The following CFAP44 variants were observed in gnomAD, a reference collection of about 807,000 sequenced individuals.
CFAP44 encodes cilia- and flagella-associated protein 44.
In CFAP44, 134 loss-of-function variants were observed where a neutral mutation model predicts 216.2. The ratio of observed to expected loss-of-function variants is 0.62; its 90% confidence interval spans 0.54 to 0.72. CFAP44 has a LOEUF of 0.72. Among genes scored for constraint, CFAP44 ranks in the 30% least tolerant of loss-of-function variants. The pLI, the probability that CFAP44 is intolerant of heterozygous loss-of-function variation, is 0.00. For synonymous variants in CFAP44, 700 were observed against 727.6 expected, an observed-to-expected ratio of 0.96 and a Z score of 0.61; for missense variants, 2,035 against 2,182.1, an observed-to-expected ratio of 0.93 and a Z score of 1.34.
At chr3:113,327,919 T>C (rs529006192) in intron 26 of CFAP44, 100 bp from the exon 27 acceptor site, 2 of 1,047,530 alleles carry the variant, frequency 1.9e-6, no homozygotes, top group East Asian at 2.6e-5. Context: ...TTTTTTATTA[T>C]GCCCTTATGG....
chr3:113,330,026 G>T, intron 26 of CFAP44, 142 bp downstream of exon 26: 1 of 974,248 alleles, frequency 1.0e-6, no homozygotes, highest in Non-Finnish European at 1.4e-6. Flanking sequence ...AGGAAGCCAA[G>T]CCATCACTGA....
chr3:113,349,716 T>C (rs7642058), intron 22 of CFAP44, among the ~76,000 whole-genome samples: 83,154 of 152,036 alleles, frequency 0.55, 24,383 homozygotes, highest in African/African-American at 0.76. Context: ...CCGGGGCAAG[T>C]GCCAGCTCAT....
At chr3:113,292,766 A>AC (rs1949843258) in intron 34 of CFAP44, among the ~76,000 whole-genome samples, 1 of 152,204 alleles carries the variant, frequency 6.6e-6, no homozygotes, top group African/African-American at 2.4e-5. Flanking sequence ...GGGTTACCCA[A>AC]CACCCTCTGC....
intron 15 of CFAP44, among the ~76,000 whole-genome samples, chr3:113,390,945 T>C (rs2107348413): frequency 6.6e-6 from 1 of 152,100 alleles, no homozygotes; most frequent in East Asian, 1.9e-4. Flanking sequence ...TTCAATGCAA[T>C]GCCTATCAAA....
At chr3:113,359,838 A>ATTT (rs1950521409) in intron 21 of CFAP44, among the ~76,000 whole-genome samples, 1 of 152,202 alleles carries the variant, frequency 6.6e-6, no homozygotes, top group Non-Finnish European at 1.5e-5. Flanking sequence ...AAAGAAAAAA[A>ATTT]GGTAGAATAC....
intron 6 of CFAP44, among the ~76,000 whole-genome samples, chr3:113,413,458 G>A (rs1934548579): frequency 1.3e-5 from 2 of 152,124 alleles, no homozygotes; most frequent in Non-Finnish European, 1.5e-5. Context: ...CCTATGTCCT[G>A]AATGGTATTG....
intron 21 of CFAP44, among the ~76,000 whole-genome samples, chr3:113,362,345 C>T (rs1222415134): frequency 6.6e-6 from 1 of 152,130 alleles, no homozygotes; most frequent in Admixed American, 6.5e-5. Context: ...CTGGGCTCCA[C>T]TCCCTTTCTG....
At chr3:113,389,165 T>C (rs1046802708) in intron 15 of CFAP44, among the ~76,000 whole-genome samples, 2 of 152,218 alleles carry the variant, frequency 1.3e-5, no homozygotes, top group African/African-American at 2.4e-5. Flanking sequence ...ATTGAAATTA[T>C]ATCAAGTATC....
chr3:113,423,395 C>T (rs1934873645), intron 4 of CFAP44, among the ~76,000 whole-genome samples: 1 of 152,106 alleles, frequency 6.6e-6, no homozygotes, highest in Non-Finnish European at 1.5e-5. Flanking sequence ...CCTGCCAAGC[C>T]TCCCAAGGTG....
chr3:113,294,794 G>A lies in CFAP44; in HGVS notation c.5266C>T (p.Leu1756=), dbSNP rs1576532853. 2.0e-6 allele frequency: 3 copies of A among 1,534,852 alleles called. No homozygotes were observed. The highest frequency in any genetic ancestry group is 2.0e-5 in the Admixed American group (1 of 50,590). Residue 1756 remains leucine (L), a synonymous_variant, in exon 34 of 35, where the codon CTG becomes TTG. Transcript: ENST00000393845. ...GTGTGTTCTTTTGTCTTCATCATCA[G>A]TTCCCATCGCATTTGAGCAATCTTT... ...EEKIAQMRWE[L]MMKTKEHTRK...
At chr3:113,370,096 C>T (rs1031905736) in intron 18 of CFAP44, among the ~76,000 whole-genome samples, 1 of 152,108 alleles carries the variant, frequency 6.6e-6, no homozygotes, top group Non-Finnish European at 1.5e-5. Flanking sequence ...TAATACCCTA[C>T]CAACCAAAAA....
At chr3:113,317,822 C>T (rs1381705767) in intron 28 of CFAP44, among the ~76,000 whole-genome samples, 2 of 152,188 alleles carry the variant, frequency 1.3e-5, no homozygotes, top group Non-Finnish European at 1.5e-5. Flanking sequence ...CTCCCTGCTA[C>T]AGTCTTTTTG....
At chr3:113,391,775 T>A (rs1335329503) in intron 15 of CFAP44, among the ~76,000 whole-genome samples, 2 of 152,112 alleles carry the variant, frequency 1.3e-5, no homozygotes, top group Non-Finnish European at 2.9e-5. Flanking sequence ...AAAGAAGGCA[T>A]GAGAATGGCA....
At chr3:113,328,666 A>T (rs1377240660) in intron 26 of CFAP44, among the ~76,000 whole-genome samples, 1 of 131,320 alleles carries the variant, frequency 7.6e-6, no homozygotes, top group East Asian at 2.6e-4. Flanking sequence ...GGTTTGGAGC[A>T]GTGAAACTAC....
Position 113,289,395 on chromosome 3 carries a change from ACTGTAG to A in CFAP44, c.*2156_*2161del, listed in dbSNP as rs1399604939. ...AAGTCCTGATGTGGCTCTTCTGTAG[ACTGTAG>A]GTCCATTCTTGCTGCAATCAGAATC... is the stretch of plus-strand genomic sequence containing the variant. On this transcript the variant is annotated 3_prime_UTR_variant, in exon 35 of 35. Coordinates refer to ENST00000393845, the MANE Select transcript of CFAP44 (RefSeq NM_001164496.2). 6.6e-6 allele frequency: 1 copy of A among 152,176 alleles called. No individual in the cohort carries two copies. Among genetic ancestry groups the A allele is most frequent in the Non-Finnish European group, 1.5e-5 (1 of 68,018 alleles). 9.4% of individuals were successfully genotyped at this position (152,176 alleles called of 1,614,324 possible). A position where few individuals can be genotyped will look rare whatever the true frequency, so the allele number is the denominator to read the frequency against.
intron 21 of CFAP44, among the ~76,000 whole-genome samples, chr3:113,361,816 T>C (rs967882205): frequency 4.0e-5 from 6 of 151,774 alleles, no homozygotes; most frequent in African/African-American, 1.5e-4. Flanking sequence ...TGTATTTTAT[T>C]TTCTGCTTTA....
chr3:113,404,763 CCTGA>C (rs1205382840), intron 8 of CFAP44, among the ~76,000 whole-genome samples: 2 of 152,082 alleles, frequency 1.3e-5, no homozygotes, highest in Non-Finnish European at 2.9e-5. Flanking sequence ...CAATGATAGC[CCTGA>C]CTATTATTAT....
At chr3:113,414,302 CA>C (rs1257786157) in intron 6 of CFAP44, among the ~76,000 whole-genome samples, 1 of 152,134 alleles carries the variant, frequency 6.6e-6, no homozygotes, top group African/African-American at 2.4e-5. Context: ...ATGTCATCTG[CA>C]AACAGTGACA....
chr3:113,379,522 T>A lies in CFAP44; in HGVS notation c.2082A>T (p.Arg694Ser). The change falls in exon 17 of 35, where the codon AGA (arginine) becomes AGT (serine). Residue 694 changes from arginine to serine, a missense_variant. Physicochemically the swap from Arg to Ser is moderately radical, Grantham distance 110 (BLOSUM62 -1). Around this residue, in one of 3 missense-constraint regions of CFAP44, gnomAD observed 1,883 missense variants for 2,023.7 expected, o/e 0.93. Coordinates refer to ENST00000393845, the MANE Select transcript of CFAP44 (RefSeq NM_001164496.2). Reference sequence around the variant, plus strand: ...TTATTTTCTCCTTCAACTCCCTTTGTCTCTCCCTCTTTTCAATTTCTATTA... The same window carrying A: ...TTATTTTCTCCTTCAACTCCCTTTGACTCTCCCTCTTTTCAATTTCTATTA... The part of the protein sequence containing the change: ...LRLIEIEKRE[R>S]QRELKEKIRE... 6.3e-7 allele frequency: 1 copy of A among 1,594,302 alleles called. No homozygotes were observed. The highest frequency in any genetic ancestry group is 8.6e-7 in the Non-Finnish European group (1 of 1,163,336).
Sources: gnomAD v4.1 joint callset for allele counts (sites outside exome capture counted in the v4.1 genomes callset) on GRCh38, gnomAD v4.1.1 for gene constraint, gnomAD v4.1.1 regional missense constraint, MANE v1.5 for transcripts, NCBI Gene and HGNC (gene_info 2026-07-23, HGNC 2026-07-21) for gene names.